EPC1: variants seen among roughly 807,000 people sequenced by gnomAD.
EPC1 encodes the protein enhancer of polycomb homolog 1.
EPC1 carries 12 observed loss-of-function variants against 98.4 expected under a neutral mutation model. That is an observed-to-expected ratio of 0.12 (90% confidence interval 0.08 to 0.20). The LOEUF (loss-of-function observed/expected upper bound fraction) is 0.20, where lower values mean the gene tolerates loss of function less well. EPC1 is among the 10% of genes least tolerant of loss of function. EPC1 has a pLI of 1.00. For missense variants in EPC1, 729 were observed against 990.5 expected (o/e 0.74, Z 3.54); for synonymous variants, 357 against 363.9 (o/e 0.98, Z 0.21).
Position 32,346,744 on chromosome 10 carries a change from C to T in EPC1, c.153+19G>A, listed in dbSNP as rs190786071. On this transcript the variant is annotated intron_variant, in intron 1 of 13. Coordinates refer to ENST00000319778, the MANE Select transcript of EPC1 (RefSeq NM_001272004.3). ...GGAGCGGGCCTGACGGTGGGTCGGACAGGGGAGTTAACACGTACCGACTCC... is the reference window on the plus strand; with the variant it reads ...GGAGCGGGCCTGACGGTGGGTCGGATAGGGGAGTTAACACGTACCGACTCC... The T allele has an allele frequency of 9.9e-6, 16 of 1,611,682 alleles. No individual in the cohort carries two copies. The South Asian group carries it at 1.3e-4, about 13-fold the overall frequency.
intron 1 of EPC1, among the ~76,000 whole-genome samples, chr10:32,360,979 A>G (rs116712384): frequency 0.012 from 1,804 of 152,150 alleles, 41 homozygotes; most frequent in African/African-American, 0.042. Flanking sequence ...CCCGTTCCTT[A>G]TTCTCTTTTG....
rs1554819136 is a variant in EPC1 at position 32,290,505 on chromosome 10, A to AAAAAAAAAAAAAGAAAGAAAG, written c.975+657_975+658insCTTTCTTTCTTTTTTTTTTTT. ...TGTCAAAAAAAAAAAAAAAAAAAAA[A>AAAAAAAAAAAAAGAAAGAAAG]AAAGAAAGAAAGAAAAACTCATCTG... On this transcript the variant is annotated intron_variant, in intron 6 of 13. Coordinates refer to ENST00000319778, the MANE Select transcript of EPC1 (RefSeq NM_001272004.3). Among the ~76,000 whole-genome samples the AAAAAAAAAAAAAGAAAGAAAG allele has an allele frequency of 2.6e-3, 202 of 77,478 alleles. 2 individuals are homozygous for AAAAAAAAAAAAAGAAAGAAAG. Among genetic ancestry groups the AAAAAAAAAAAAAGAAAGAAAG allele is most frequent in the East Asian group, 4.7e-3 (10 of 2,138 alleles). 50.8% of individuals were successfully genotyped at this position (77,478 alleles called of 152,430 possible).
Position 32,293,187 on chromosome 10 carries a change from C to T in EPC1, c.467G>A (p.Ser156Asn). Reference sequence around the variant, plus strand: ...TAGCAGTAGTTTGGCTTCCTGCAGACTGACTGGCTAAATGTAAAACCATTA... The same window carrying T: ...TAGCAGTAGTTTGGCTTCCTGCAGATTGACTGGCTAAATGTAAAACCATTA... ...LEKGSGQQPV[S>N]LQEAKLLLKE... Residue 156 changes from serine (S) to asparagine (N), a missense_variant, in exon 4 of 14, where the codon AGT (serine) becomes AAT (asparagine). Coordinates refer to ENST00000319778, the MANE Select transcript of EPC1 (RefSeq NM_001272004.3). 1.2e-6 allele frequency: 2 copies of T among 1,609,892 alleles called. No homozygotes were observed. The highest frequency in any genetic ancestry group is 1.7e-6 in the Non-Finnish European group (2 of 1,177,428).
At chr10:32,285,466 T>C (rs977443092) in intron 9 of EPC1, 1 of 164,684 alleles carries the variant, frequency 6.1e-6, no homozygotes, top group Non-Finnish European at 1.3e-5. Flanking sequence ...TATATTCTTA[T>C]GTTATTGATT....
intron 1 of EPC1, among the ~76,000 whole-genome samples, chr10:32,319,290 G>C (rs964498729): frequency 1.3e-5 from 2 of 152,196 alleles, no homozygotes; most frequent in African/African-American, 4.8e-5. Context: ...ATTCTTGATA[G>C]AGATTCCATG....
chr10:32,309,247 A>T (rs1592580419), intron 1 of EPC1, among the ~76,000 whole-genome samples: 1 of 152,292 alleles, frequency 6.6e-6, no homozygotes, highest in African/African-American at 2.4e-5. Flanking sequence ...ACAATAATTT[A>T]TTACATATTT....
At position 32,269,019 on chromosome 10, in the gene EPC1, A is replaced by T; in HGVS notation, c.*44T>A. The T allele has an allele frequency of 6.6e-7, 1 of 1,525,330 alleles. No homozygotes were observed. The highest frequency in any genetic ancestry group is 9.1e-7 in the Non-Finnish European group (1 of 1,102,272). The allele number at this position is 1,525,330 out of a possible 1,614,324, so 94.5% of individuals were successfully genotyped here. A position where few individuals can be genotyped will look rare whatever the true frequency, so the allele number is the denominator to read the frequency against. Reference sequence around the variant, plus strand: ...TGCATTCAAAATGCTACTGATGCATAGCACCTAATCAAGTCCCCAGGCTGC... The same window carrying T: ...TGCATTCAAAATGCTACTGATGCATTGCACCTAATCAAGTCCCCAGGCTGC... On this transcript the variant is annotated 3_prime_UTR_variant, in exon 14 of 14. Coordinates refer to ENST00000319778, the MANE Select transcript of EPC1 (RefSeq NM_001272004.3).
At chr10:32,378,179 A>G (rs988365617) in intron 1 of EPC1, among the ~76,000 whole-genome samples, 1 of 152,226 alleles carries the variant, frequency 6.6e-6, no homozygotes, top group East Asian at 1.9e-4. Flanking sequence ...TATAAAGAGG[A>G]TATGCACATA....
intron 2 of EPC1, among the ~76,000 whole-genome samples, chr10:32,294,715 T>A (rs945078769): frequency 4.6e-5 from 7 of 152,242 alleles, no homozygotes; most frequent in African/African-American, 1.7e-4. Flanking sequence ...TAGGTTGATA[T>A]GAATATAAGC....
At chr10:32,373,011 C>T (rs1473572040) in intron 1 of EPC1, among the ~76,000 whole-genome samples, 5 of 152,008 alleles carry the variant, frequency 3.3e-5, no homozygotes, top group East Asian at 1.9e-4. Context: ...GTGACAAGAG[C>T]GAAACTCGGT....
At chr10:32,291,764 G>C (rs1409477714) in intron 5 of EPC1, 1 of 152,224 alleles carries the variant, frequency 6.6e-6, no homozygotes, top group Non-Finnish European at 1.5e-5. Context: ...CAAGATTGTA[G>C]TTAAACTTTG....
intron 1 of EPC1, among the ~76,000 whole-genome samples, chr10:32,373,963 T>C (rs1839819335): frequency 6.6e-6 from 1 of 152,168 alleles, no homozygotes; most frequent in Admixed American, 6.5e-5. Context: ...CTAGCTACTA[T>C]AGATTAATTG....
At chr10:32,304,039 T>C (rs1443756759) in intron 2 of EPC1, among the ~76,000 whole-genome samples, 2 of 152,214 alleles carry the variant, frequency 1.3e-5, no homozygotes, top group Admixed American at 6.5e-5. Context: ...CTCAAATTTG[T>C]ACAATAAAAA....
intron 1 of EPC1, among the ~76,000 whole-genome samples, chr10:32,306,558 C>A (rs1835886543): frequency 6.6e-6 from 1 of 152,104 alleles, no homozygotes; most frequent in Non-Finnish European, 1.5e-5. Flanking sequence ...TGATTAGAAC[C>A]CAACTCCGAT....
At chr10:32,343,535 A>C (rs1162071859) in intron 1 of EPC1, among the ~76,000 whole-genome samples, 1 of 152,192 alleles carries the variant, frequency 6.6e-6, no homozygotes, top group Admixed American at 6.5e-5. Flanking sequence ...AGACTTAGCA[A>C]ATTTCGATGC....
chr10:32,288,312 C>CTTTTTTTTTTTT (rs5784278), intron 6 of EPC1, among the ~76,000 whole-genome samples: 1 of 124,102 alleles, frequency 8.1e-6, no homozygotes, highest in African/African-American at 3.2e-5. Context: ...TTACTTTTTT[C>CTTTTTTTTTTTT]TTTTTTTTTT....
chr10:32,300,561 G>A (rs1183388566), intron 2 of EPC1, among the ~76,000 whole-genome samples: 2 of 151,590 alleles, frequency 1.3e-5, no homozygotes, highest in Admixed American at 6.6e-5. Flanking sequence ...AGCCTCCCGA[G>A]TAGCTGGGAT....
At chr10:32,277,584 G>A (rs1467381174) in intron 10 of EPC1, among the ~76,000 whole-genome samples, 1 of 151,916 alleles carries the variant, frequency 6.6e-6, no homozygotes, top group African/African-American at 2.4e-5. Flanking sequence ...TTTTGAGACA[G>A]GGTCTCACTC....
At chr10:32,270,474 A>G (rs910402042) in intron 13 of EPC1, among the ~76,000 whole-genome samples, 3 of 152,212 alleles carry the variant, frequency 2.0e-5, no homozygotes, top group Non-Finnish European at 4.4e-5. Flanking sequence ...AGCACAAAAA[A>G]TAATGGTTCA....
Sources: gnomAD v4.1 joint callset for allele counts (sites outside exome capture counted in the v4.1 genomes callset) on GRCh38, gnomAD v4.1.1 for gene constraint, MANE v1.5 for transcripts, NCBI Gene and HGNC (gene_info 2026-07-23, HGNC 2026-07-21) for gene names.